AAR2: variants seen among roughly 807,000 people sequenced by gnomAD.
AAR2 encodes the protein protein AAR2 homolog.
A neutral mutation model predicts 26.9 loss-of-function variants in AAR2; 31 were observed. The observed-to-expected ratio is 1.15, with a 90% CI of 0.86 to 1.55. The LOEUF (loss-of-function observed/expected upper bound fraction) is 1.55. Among genes scored for constraint, AAR2 ranks in the 40% most tolerant of loss-of-function variants. The probability of loss-of-function intolerance (pLI) is 0.00; values close to 1 mark genes in which losing one functional copy is unlikely to be tolerated. For missense variants in AAR2, 430 were observed against 491.3 expected (o/e 0.88, Z 1.18); for synonymous variants, 188 against 196.1 (o/e 0.96, Z 0.34).
chr20:36,247,444 T>C (rs896581854), intron 3 of AAR2, among the ~76,000 whole-genome samples: 1 of 152,210 alleles, frequency 6.6e-6, no homozygotes, highest in African/African-American at 2.4e-5. Flanking sequence ...GCCATTCTGA[T>C]CTGGCTTCTT....
rs1601176146 is a variant in AAR2 at position 36,242,269 on chromosome 20, G to A, written c.757+1644G>A. Among the ~76,000 whole-genome samples, 7 of 150,094 alleles carry A rather than the reference G, an allele frequency of 4.7e-5. 1 individual carries two copies. In the South Asian group the frequency reaches 1.1e-3, roughly 23 times the overall value. On this transcript the variant is annotated intron_variant, in intron 2 of 3. Coordinates refer to ENST00000320849, the MANE Select transcript of AAR2 (RefSeq NM_001271874.2). ...CGGGCCCAAGTGATCCTTCTGCCTCGGCTTCCCAAAGTGCTGGGATTACTG... is the reference window on the plus strand; with the variant it reads ...CGGGCCCAAGTGATCCTTCTGCCTCAGCTTCCCAAAGTGCTGGGATTACTG...
intron 3 of AAR2, among the ~76,000 whole-genome samples, chr20:36,254,020 T>C (rs1276823759): frequency 1.3e-5 from 2 of 152,200 alleles, no homozygotes; most frequent in Admixed American, 1.3e-4. Flanking sequence ...ACGGCCCCTG[T>C]GAAAAACTGT....
intron 3 of AAR2, among the ~76,000 whole-genome samples, chr20:36,245,357 G>A (rs1460903091): frequency 6.6e-6 from 1 of 152,212 alleles, no homozygotes; most frequent in Non-Finnish European, 1.5e-5. Flanking sequence ...CAAACAAAAT[G>A]TGCCAGTTTC....
At chr20:36,237,345 T>G (rs1463548406) in intron 1 of AAR2, among the ~76,000 whole-genome samples, 1 of 152,052 alleles carries the variant, frequency 6.6e-6, no homozygotes, top group East Asian at 1.9e-4. Context: ...GAATGGAGAA[T>G]GGGTTGAGGA....
At chr20:36,253,156 G>A (rs1046803375) in intron 3 of AAR2, among the ~76,000 whole-genome samples, 1 of 149,728 alleles carries the variant, frequency 6.7e-6, no homozygotes, top group Non-Finnish European at 1.5e-5. Context: ...AAAACGAGCC[G>A]CACTCCTGCT....
rs532649886 is a variant in AAR2, at chr20:36,247,847, C to G, written c.987+2921C>G. Among the ~76,000 whole-genome samples the G allele has an allele frequency of 7.3e-4, 111 of 151,414 alleles. 1 individual carries two copies. The highest frequency in any genetic ancestry group is 2.6e-3 in the African/African-American group (109 of 41,202). ...TTGCACCACTACACTCCAGCCTGGG[C>G]AAAAACAGTGAGACTTTGTCTCAAA... On this transcript the variant is annotated intron_variant, in intron 3 of 3. Coordinates refer to ENST00000320849, the MANE Select transcript of AAR2 (RefSeq NM_001271874.2).
At chr20:36,245,105 A>G (rs1171301907) in intron 3 of AAR2, among the ~76,000 whole-genome samples, 179 bp downstream of exon 3, 1 of 151,278 alleles carries the variant, frequency 6.6e-6, no homozygotes, top group Non-Finnish European at 1.5e-5. Context: ...TATGCCAGAA[A>G]TTTTCTCTCT....
chr20:36,253,966 G>A, intron 3 of AAR2, among the ~76,000 whole-genome samples: 1 of 152,222 alleles, frequency 6.6e-6, no homozygotes, highest in Admixed American at 6.5e-5. Flanking sequence ...AGGATGTGGA[G>A]AAATGAGAAC....
At chr20:36,243,287 C>T (rs1480978378) in intron 2 of AAR2, among the ~76,000 whole-genome samples, 1 of 152,134 alleles carries the variant, frequency 6.6e-6, no homozygotes, top group Non-Finnish European at 1.5e-5. Flanking sequence ...CAAGTAAAGC[C>T]AGCTGAAGAA....
In AAR2 at chr20:36,240,581, CTG is replaced by C. The variant is rs1346108433; in HGVS notation, c.716_717del (p.Val239AlafsTer15). The C allele has an allele frequency of 1.2e-6, 2 of 1,613,088 alleles. No homozygotes were observed. Among genetic ancestry groups the C allele is most frequent in the South Asian group, 1.1e-5 (1 of 91,068 alleles). On this transcript the variant is annotated frameshift_variant, in exon 2 of 4. Coordinates refer to ENST00000320849, the MANE Select transcript of AAR2 (RefSeq NM_001271874.2). LOFTEE classifies it high-confidence loss of function. ...ATGGACCTGAGCTATGCCCTGGAGA[CTG>C]TGCTCAACAAGCAGTTCCCCAGCAG...
intron 3 of AAR2, among the ~76,000 whole-genome samples, chr20:36,252,762 C>A (rs139299934): frequency 2.0e-5 from 3 of 152,184 alleles, no homozygotes; most frequent in Admixed American, 6.5e-5. Context: ...CTTGTTAATT[C>A]AGCCCAGCAG....
intron 2 of AAR2, among the ~76,000 whole-genome samples, chr20:36,241,376 A>G (rs2064679048): frequency 6.6e-6 from 1 of 152,182 alleles, no homozygotes; most frequent in African/African-American, 2.4e-5. Flanking sequence ...ATCTGCCTTA[A>G]TATAAATGTT....
At chr20:36,236,869 G>A (rs1428088146) in intron 1 of AAR2, 1 of 152,168 alleles carries the variant, frequency 6.6e-6, no homozygotes, top group African/African-American at 2.4e-5. Context: ...ACTAAGCGTT[G>A]AATCTGTGCT....
At chr20:36,249,650 A>G (rs1340861061) in intron 3 of AAR2, among the ~76,000 whole-genome samples, 2 of 152,200 alleles carry the variant, frequency 1.3e-5, no homozygotes, top group African/African-American at 4.8e-5. Flanking sequence ...GCCATTAGCT[A>G]TCTCTTTTGC....
At chr20:36,238,172 A>G (rs2064637327) in intron 1 of AAR2, among the ~76,000 whole-genome samples, 1 of 152,334 alleles carries the variant, frequency 6.6e-6, no homozygotes, top group South Asian at 2.1e-4. Flanking sequence ...ACAACCAAGT[A>G]TACACACAAA....
At chr20:36,242,614 C>A (rs905096671) in intron 2 of AAR2, among the ~76,000 whole-genome samples, 1 of 151,668 alleles carries the variant, frequency 6.6e-6, no homozygotes. Context: ...AGGATGGTCT[C>A]GATCTCCTGA....
At chr20:36,247,553 G>C (rs1313911935) in intron 3 of AAR2, among the ~76,000 whole-genome samples, 2 of 150,176 alleles carry the variant, frequency 1.3e-5, no homozygotes, top group Non-Finnish European at 2.9e-5. Context: ...GCTGTTTCAT[G>C]CTTTTTAAAA....
intron 3 of AAR2, among the ~76,000 whole-genome samples, chr20:36,252,748 G>A (rs2064789885): frequency 6.6e-6 from 1 of 152,216 alleles, no homozygotes; most frequent in African/African-American, 2.4e-5. Flanking sequence ...GAAACAGGAA[G>A]AGACTTGTTA....
At chr20:36,253,035 G>A (rs2064792167) in intron 3 of AAR2, among the ~76,000 whole-genome samples, 1 of 152,070 alleles carries the variant, frequency 6.6e-6, no homozygotes, top group African/African-American at 2.4e-5. Context: ...GTGTTTAGTC[G>A]ATTCCCAAGT....
Sources: gnomAD v4.1 joint callset for allele counts (sites outside exome capture counted in the v4.1 genomes callset) on GRCh38, gnomAD v4.1.1 for gene constraint, MANE v1.5 for transcripts, NCBI Gene and HGNC (gene_info 2026-07-23, HGNC 2026-07-21) for gene names.